The following ANK1 variants were observed in gnomAD, a reference collection of about 807,000 sequenced individuals.
ANK1 encodes the protein ankyrin 1.
In ANK1, 51 loss-of-function variants were observed where a neutral mutation model predicts 210.4. The observed-to-expected ratio is 0.24, with a 90% CI of 0.19 to 0.31. The LOEUF is 0.31. ANK1 is among the 10% of genes least tolerant of loss of function. The probability of loss-of-function intolerance (pLI) is 1.00; values close to 1 mark genes in which losing one functional copy is unlikely to be tolerated. For synonymous variants in ANK1, 967 were observed against 1,025.9 expected (o/e 0.94, Z 1.10); for missense variants, 2,051 against 2,504.4 (o/e 0.82, Z 3.86).
chr8:41,764,287 G>A (rs964548837), intron 1 of ANK1, among the ~76,000 whole-genome samples: 3 of 152,064 alleles, frequency 2.0e-5, no homozygotes, highest in Non-Finnish European at 4.4e-5. Flanking sequence ...CTTTACCATC[G>A]TGTTCTGCTG....
intron 33 of ANK1, among the ~76,000 whole-genome samples, chr8:41,689,891 G>A (rs1818785447): frequency 6.6e-6 from 1 of 152,164 alleles, no homozygotes; most frequent in Admixed American, 6.5e-5. Flanking sequence ...CAGGGACACC[G>A]AGGCAGATGC....
rs777482018 is a variant in ANK1, at chr8:41,694,559, C to G, written c.3327+33G>C. 5.6e-5 allele frequency: 89 copies of G among 1,599,800 alleles called. No individual in the cohort carries two copies. Among genetic ancestry groups the G allele is most frequent in the Non-Finnish European group, 6.9e-5 (81 of 1,171,658 alleles). ...TCCCGGAGGCCTGGAGTTCAGTCCA[C>G]CCCCAGGACCTGGCGGGGAGGAGGG... On this transcript the variant is annotated intron_variant, in intron 28 of 42. Transcript: ENST00000289734. This position sits in a 1 kb window ranked among gnomAD's most constrained non-coding sequence, Gnocchi z 5.7.
At chr8:41,856,555 T>TGTGA (rs1812204335) in intron 1 of ANK1, among the ~76,000 whole-genome samples, 2 of 152,126 alleles carry the variant, frequency 1.3e-5, no homozygotes, top group Non-Finnish European at 2.9e-5. Context: ...TGAAACTACC[T>TGTGA]CACAGGGTTT....
intron 37 of ANK1, among the ~76,000 whole-genome samples, chr8:41,678,576 T>C (rs1814950524): frequency 1.3e-5 from 2 of 152,176 alleles, no homozygotes; most frequent in Admixed American, 6.5e-5. Context: ...ATGTTTGGAG[T>C]TTCTCTTGCT....
intron 16 of ANK1, among the ~76,000 whole-genome samples, chr8:41,711,376 C>T (rs1563520059): frequency 1.3e-5 from 2 of 152,226 alleles, no homozygotes; most frequent in Non-Finnish European, 2.9e-5. Context: ...AGGTTGGACA[C>T]GCCTTGCTAT....
At position 41,718,202 on chromosome 8, in the gene ANK1, A is replaced by G; in HGVS notation, c.1110T>C (p.Asn370=). The change falls in exon 11 of 43, where the codon AAT becomes AAC. Residue 370 remains asparagine (N), a splice_region_variant and synonymous_variant. Coordinates refer to ENST00000289734, the MANE Select transcript of ANK1 (RefSeq NM_000037.4). ...AGGCGATGTGTAAGGGGGTAAAGCC[A>G]TTCTGCAGCCCACACAAAGGGAGAC... ...KGAKPNSRAL[N]GFTPLHIACK... 6.2e-7 allele frequency: 1 copy of G among 1,613,692 alleles called. No homozygotes were observed. The highest frequency in any genetic ancestry group is 8.5e-7 in the Non-Finnish European group (1 of 1,179,828).
At chr8:41,801,975 TTTTTG>T (rs781299206), upstream of ANK1, among the ~76,000 whole-genome samples, 19 of 152,054 alleles carry the variant, frequency 1.2e-4, no homozygotes, top group Non-Finnish European at 1.9e-4. Context: ...TTTTATAGGG[TTTTTG>T]TTTTGTTTTG....
chr8:41,742,085 TAAG>T (rs965202403), intron 2 of ANK1, among the ~76,000 whole-genome samples: 10 of 152,256 alleles, frequency 6.6e-5, no homozygotes, highest in African/African-American at 2.2e-4. Flanking sequence ...TTAACATTTT[TAAG>T]AAGAAGAAGA....
At chr8:41,798,487 T>C (rs1014613713), upstream of ANK1, among the ~76,000 whole-genome samples, 1 of 152,222 alleles carries the variant, frequency 6.6e-6, no homozygotes, top group Non-Finnish European at 1.5e-5. Context: ...CCAGCCAGGC[T>C]GGACCATCCC....
intron 16 of ANK1, among the ~76,000 whole-genome samples, chr8:41,709,330 A>C (rs965006484): frequency 6.6e-6 from 1 of 152,260 alleles, no homozygotes; most frequent in Non-Finnish European, 1.5e-5. Context: ...AATATTTCAT[A>C]AAGAAAAAGA....
chr8:41,760,286 G>A (rs1434798673), intron 1 of ANK1, among the ~76,000 whole-genome samples: 1 of 152,130 alleles, frequency 6.6e-6, no homozygotes, highest in East Asian at 1.9e-4. Context: ...GAATCATGGG[G>A]GCTGGTTTTT....
At chr8:41,779,450 C>T (rs1007636054) in intron 1 of ANK1, among the ~76,000 whole-genome samples, 1 of 151,892 alleles carries the variant, frequency 6.6e-6, no homozygotes, top group Non-Finnish European at 1.5e-5. Flanking sequence ...ATGAGGATCT[C>T]ACTATGTTGC....
intron 15 of ANK1, among the ~76,000 whole-genome samples, 170 bp from the exon 16 acceptor site, chr8:41,714,424 G>A (rs553460403): frequency 4.1e-4 from 63 of 152,306 alleles, no homozygotes; most frequent in African/African-American, 1.4e-3. Context: ...AGGACCCAGA[G>A]CCCTGTGGGA....
chr8:41,688,799 C>A (rs950615571), intron 33 of ANK1, among the ~76,000 whole-genome samples: 3 of 152,184 alleles, frequency 2.0e-5, no homozygotes, highest in Non-Finnish European at 4.4e-5. Flanking sequence ...CGTTATTAAT[C>A]ACAGTCGTAA....
intron 1 of ANK1, among the ~76,000 whole-genome samples, chr8:41,877,899 G>T (rs1030048993): frequency 6.6e-6 from 1 of 152,240 alleles, no homozygotes; most frequent in Non-Finnish European, 1.5e-5. Flanking sequence ...CTGAGGAACA[G>T]AGCTAAGGCG....
intron 1 of ANK1, among the ~76,000 whole-genome samples, chr8:41,803,060 A>AAAGGAAGGAAGG (rs66466616): frequency 1.9e-3 from 111 of 59,054 alleles, no homozygotes; most frequent in Admixed American, 4.8e-3. Flanking sequence ...AGAAAGAGAG[A>AAAGGAAGGAAGG]AAGGAAGGAA....
intron 39 of ANK1, chr8:41,665,654 CTTAG>C: frequency 4.5e-6 from 1 of 221,482 alleles, no homozygotes; most frequent in South Asian, 6.8e-5. Context: ...ACCCTGGGTA[CTTAG>C]CGGTCTGTTT....
chr8:41,674,130 CG>C (rs1237606735), intron 37 of ANK1, among the ~76,000 whole-genome samples: 4 of 151,886 alleles, frequency 2.6e-5, no homozygotes, highest in Non-Finnish European at 5.9e-5. Context: ...AGCCTCCGCT[CG>C]GGGCCTCAGC....
chr8:41,663,098 G>GTC lies in ANK1; in HGVS notation c.5478+559_5478+560dup, dbSNP rs60380363. ...CCTGGCTAATTTTGTGTGTGTGTGT[G>GTC]TCTCTCTCTCTCTCTCTGTGTGTGT... On this transcript the variant is annotated intron_variant, in intron 40 of 42. Coordinates refer to ENST00000289734, the MANE Select transcript of ANK1 (RefSeq NM_000037.4). Among the ~76,000 whole-genome samples, 586 of 145,138 alleles carry GTC rather than the reference G, an allele frequency of 4.0e-3. 1 individual carries two copies. The highest frequency in any genetic ancestry group is 8.8e-3 in the African/African-American group (337 of 38,486).
Sources: gnomAD v4.1 joint callset for allele counts (sites outside exome capture counted in the v4.1 genomes callset) on GRCh38, gnomAD v4.1.1 for gene constraint, Gnocchi (gnomAD v3.1) non-coding constraint, MANE v1.5 for transcripts, NCBI Gene and HGNC (gene_info 2026-07-23, HGNC 2026-07-21) for gene names.